Variants in PCDHA3 observed in about 807,000 individuals in gnomAD.
PCDHA3 encodes the protein protocadherin alpha 3.
PCDHA3 carries 41 observed loss-of-function variants against 62.2 expected under a neutral mutation model. The observed-to-expected ratio is 0.66, with a 90% CI of 0.51 to 0.86. The LOEUF (loss-of-function observed/expected upper bound fraction) is 0.86. Among genes scored for constraint, PCDHA3 ranks in the 40% least tolerant of loss-of-function variants. The pLI, the probability that PCDHA3 is intolerant of heterozygous loss-of-function variation, is 0.00. For missense variants in PCDHA3, 1,304 were observed against 1,241.2 expected (o/e 1.05, Z -0.76); for synonymous variants, 640 against 555.4 (o/e 1.15, Z -2.14).
intron 1 of PCDHA3, chr5:140,830,021 C>T (rs782587732): frequency 1.9e-6 from 3 of 1,613,800 alleles, no homozygotes; most frequent in African/African-American, 2.7e-5. Context: ...GGACTCTCCG[C>T]GCCACCGGCT....
chr5:140,806,645 G>A (rs1384203621), intron 1 of PCDHA3, among the ~76,000 whole-genome samples: 7 of 151,106 alleles, frequency 4.6e-5, no homozygotes, highest in African/African-American at 7.3e-5. Context: ...AGGGTGAAGA[G>A]GGTGTTATCA....
At chr5:140,878,897 A>G (rs1366976155) in intron 1 of PCDHA3, among the ~76,000 whole-genome samples, 1 of 152,232 alleles carries the variant, frequency 6.6e-6, no homozygotes, top group Non-Finnish European at 1.5e-5. Context: ...GACTACAGGC[A>G]GGCTCCACCA....
Position 140,845,338 on chromosome 5 carries a change from C to T in PCDHA3, c.2394+41747C>T, listed in dbSNP as rs1446184837. Among the ~76,000 whole-genome samples the T allele has an allele frequency of 1.2e-4, 18 of 149,418 alleles. 2 individuals carry two copies. The highest frequency in any genetic ancestry group is 4.4e-4 in the African/African-American group (18 of 40,812). ...GTATTACTTTAATTACTGAATTCTCCTAAACATTTAATTGACTTTTACAAA... is the reference window on the plus strand; with the variant it reads ...GTATTACTTTAATTACTGAATTCTCTTAAACATTTAATTGACTTTTACAAA... On this transcript the variant is annotated intron_variant, in intron 1 of 3. Coordinates refer to ENST00000522353, the MANE Select transcript of PCDHA3 (RefSeq NM_018906.3).
intron 3 of PCDHA3, among the ~76,000 whole-genome samples, chr5:140,993,781 A>T (rs1587593339): frequency 6.6e-6 from 1 of 152,216 alleles, no homozygotes; most frequent in African/African-American, 2.4e-5. Flanking sequence ...TATTTTGTAC[A>T]GTAACATGCT....
intron 1 of PCDHA3, chr5:140,824,227 TACACAAATATTGTG>T: frequency 6.5e-7 from 1 of 1,544,522 alleles, no homozygotes; most frequent in Non-Finnish European, 8.9e-7. Flanking sequence ...TATGTCTTAG[TACACAAATATTGTG>T]GTACACAATT....
intron 3 of PCDHA3, among the ~76,000 whole-genome samples, chr5:140,987,465 T>C (rs1554249222): frequency 6.6e-6 from 1 of 152,130 alleles, no homozygotes; most frequent in Non-Finnish European, 1.5e-5. Flanking sequence ...TGTTAAGAGC[T>C]CAAGCTTGGG....
chr5:140,808,444 A>G (rs537741346), intron 1 of PCDHA3: 4 of 1,614,176 alleles, frequency 2.5e-6, no homozygotes, highest in South Asian at 2.2e-5. Context: ...AGAGCGTGTC[A>G]GCCTATGAGC....
chr5:140,849,319 G>A, intron 1 of PCDHA3: 1 of 1,331,850 alleles, frequency 7.5e-7, no homozygotes, highest in Non-Finnish European at 1.0e-6. Flanking sequence ...GGCTTGAATG[G>A]GGATATTATT....
intron 3 of PCDHA3, among the ~76,000 whole-genome samples, chr5:140,994,479 G>A (rs1229761223): frequency 1.3e-5 from 2 of 152,094 alleles, no homozygotes; most frequent in African/African-American, 4.8e-5. Context: ...GAGGCGGGTG[G>A]ATTGCCTGAA....
At chr5:140,997,062 G>T (rs1159348962) in intron 3 of PCDHA3, among the ~76,000 whole-genome samples, 2 of 151,910 alleles carry the variant, frequency 1.3e-5, no homozygotes, top group African/African-American at 4.8e-5. Flanking sequence ...GCAGTTTTAG[G>T]TTCACAGGAA....
chr5:140,803,804 T>C lies in PCDHA3; in HGVS notation c.2394+213T>C, dbSNP rs145715704. On this transcript the variant is annotated intron_variant, in intron 1 of 3. Coordinates refer to ENST00000522353, the MANE Select transcript of PCDHA3 (RefSeq NM_018906.3). ...TAAGTTATGATATCCACACTTGTAA[T>C]TTTGTTTTGTTATTAGGTGCAGTAG... 214 of 765,130 alleles carry C rather than the reference T, an allele frequency of 2.8e-4. 1 individual carries two copies. In the African/African-American group the frequency reaches 3.3e-3, roughly 12 times the overall value. The allele number at this position is 765,130 out of a possible 1,614,324, so 47.4% of individuals were successfully genotyped here. A position where few individuals can be genotyped will look rare whatever the true frequency, so the allele number is the denominator to read the frequency against.
chr5:140,876,118 G>T, intron 1 of PCDHA3: 1 of 1,613,926 alleles, frequency 6.2e-7, no homozygotes, highest in South Asian at 1.1e-5. Context: ...GATGGTAATC[G>T]ATGGCGGTAA....
At chr5:140,842,571 G>T (rs1554139191) in intron 1 of PCDHA3, 2 of 1,508,202 alleles carry the variant, frequency 1.3e-6, no homozygotes, top group African/African-American at 1.5e-5. Context: ...GACCGCGAGA[G>T]AGTGTCGGCC....
chr5:140,830,473 T>A (rs2150186969), intron 1 of PCDHA3: 2 of 1,553,368 alleles, frequency 1.3e-6, no homozygotes, highest in African/African-American at 1.4e-5. Flanking sequence ...TAAATGAAGA[T>A]CATGATGCCA....
chr5:141,010,446 C>G lies in PCDHA3; in HGVS notation c.*509C>G, dbSNP rs951181939. 39 of 944,590 alleles carry G rather than the reference C, an allele frequency of 4.1e-5. No homozygotes were observed. Among genetic ancestry groups the G allele is most frequent in the Non-Finnish European group, 5.6e-5 (37 of 656,282 alleles). The allele number at this position is 944,590 out of a possible 1,614,324, so 58.5% of individuals were successfully genotyped here. On this transcript the variant is annotated 3_prime_UTR_variant, in exon 4 of 4. Coordinates refer to ENST00000522353, the MANE Select transcript of PCDHA3 (RefSeq NM_018906.3). ...AGGCAAGAAAACAAAGACAAATAAA[C>G]AGCGGAAGTTATCAGTATGGAGGGG...
intron 1 of PCDHA3, among the ~76,000 whole-genome samples, chr5:140,881,754 A>G (rs1554172477): frequency 6.6e-6 from 1 of 152,212 alleles, no homozygotes; most frequent in African/African-American, 2.4e-5. Context: ...CAGTACCACA[A>G]AAACCTACAT....
chr5:140,968,962 C>T (rs1554231271), intron 1 of PCDHA3: 29 of 1,614,056 alleles, frequency 1.8e-5, no homozygotes, highest in Non-Finnish European at 2.2e-5. Context: ...TCAAGTGCTA[C>T]CGCTACACTG....
At chr5:140,889,054 T>C in intron 1 of PCDHA3, among the ~76,000 whole-genome samples, 1 of 152,100 alleles carries the variant, frequency 6.6e-6, no homozygotes, top group Non-Finnish European at 1.5e-5. Flanking sequence ...TTTATAATCC[T>C]TTTAATATAC....
intron 1 of PCDHA3, among the ~76,000 whole-genome samples, chr5:140,954,401 A>G (rs567522525): frequency 2.0e-4 from 31 of 152,300 alleles, no homozygotes; most frequent in Middle Eastern, 3.4e-3. Flanking sequence ...AACCCCACCA[A>G]CAGGGTAAAG....
Sources: gnomAD v4.1 joint callset for allele counts (sites outside exome capture counted in the v4.1 genomes callset) on GRCh38, gnomAD v4.1.1 for gene constraint, MANE v1.5 for transcripts, NCBI Gene and HGNC (gene_info 2026-07-23, HGNC 2026-07-21) for gene names.